Variants in CHCHD6 observed in about 807,000 individuals in gnomAD.
The protein encoded by CHCHD6 is MICOS complex subunit MIC25.
CHCHD6 carries 28 observed loss-of-function variants against 32.3 expected under a neutral mutation model. The observed-to-expected ratio is 0.87, with a 90% CI of 0.64 to 1.19. CHCHD6 has a LOEUF of 1.19. CHCHD6 is among the 50% of genes most tolerant of loss of function. The pLI, the probability that CHCHD6 is intolerant of heterozygous loss-of-function variation, is 0.00. For missense variants in CHCHD6, 333 were observed against 307.0 expected (o/e 1.08, Z -0.63); for synonymous variants, 122 against 117.5 (o/e 1.04, Z -0.25).
At chr3:126,751,184 T>C (rs1477484801) in intron 4 of CHCHD6, among the ~76,000 whole-genome samples, 1 of 151,970 alleles carries the variant, frequency 6.6e-6, no homozygotes, top group Non-Finnish European at 1.5e-5. Context: ...TGCACTTCTT[T>C]GAAGGCAGTT....
intron 4 of CHCHD6, among the ~76,000 whole-genome samples, chr3:126,817,552 C>T (rs567215879): frequency 2.0e-5 from 3 of 152,308 alleles, no homozygotes; most frequent in South Asian, 2.1e-4. Context: ...GCAGAACCCC[C>T]GCTCCCCACC....
At chr3:126,817,611 T>G (rs1939960873) in intron 4 of CHCHD6, among the ~76,000 whole-genome samples, 1 of 152,206 alleles carries the variant, frequency 6.6e-6, no homozygotes, top group South Asian at 2.1e-4. Flanking sequence ...GGCTATCAGC[T>G]GCTTTCCACC....
intron 4 of CHCHD6, among the ~76,000 whole-genome samples, chr3:126,825,202 G>A (rs1007484081): frequency 2.6e-5 from 4 of 151,854 alleles, no homozygotes; most frequent in South Asian, 4.2e-4. Context: ...TGCTTCTAGT[G>A]TGGGGACTTT....
intron 5 of CHCHD6, among the ~76,000 whole-genome samples, chr3:126,887,366 T>G (rs1046369522): frequency 1.3e-5 from 2 of 152,194 alleles, no homozygotes; most frequent in Admixed American, 6.5e-5. Context: ...TAACTTTCAT[T>G]GTCATGATTT....
intron 4 of CHCHD6, among the ~76,000 whole-genome samples, chr3:126,821,184 T>G (rs1448727430): frequency 6.6e-6 from 1 of 152,246 alleles, no homozygotes; most frequent in South Asian, 2.1e-4. Context: ...CTGAATAATA[T>G]TCTGTTGTAT....
intron 4 of CHCHD6, among the ~76,000 whole-genome samples, chr3:126,748,609 A>AAG (rs1553728176): frequency 5.3e-4 from 80 of 151,688 alleles, no homozygotes; most frequent in Non-Finnish European, 5.9e-4. Flanking sequence ...AAAAAAAAAA[A>AAG]AAAGAAAGAA....
chr3:126,765,363 C>T (rs1381806485), intron 4 of CHCHD6, among the ~76,000 whole-genome samples: 1 of 152,182 alleles, frequency 6.6e-6, no homozygotes, highest in African/African-American at 2.4e-5. Flanking sequence ...ATTACTCACT[C>T]AGCACAGCGA....
chr3:126,789,186 A>G (rs1938390272), intron 4 of CHCHD6, among the ~76,000 whole-genome samples: 1 of 152,136 alleles, frequency 6.6e-6, no homozygotes, highest in African/African-American at 2.4e-5. Context: ...GGTCTGAGAG[A>G]CAGTTTGTTA....
chr3:126,957,369 C>T (rs190346404), intron 6 of CHCHD6, 47 bp from the exon 7 acceptor site: 4 of 1,593,278 alleles, frequency 2.5e-6, no homozygotes, highest in East Asian at 4.5e-5. Flanking sequence ...CTCTCCCCTG[C>T]CTGCTGGCAC....
At chr3:126,786,636 G>T (rs967234226) in intron 4 of CHCHD6, among the ~76,000 whole-genome samples, 5 of 152,160 alleles carry the variant, frequency 3.3e-5, no homozygotes, top group African/African-American at 4.8e-5. Context: ...CTTTTGAGAA[G>T]TGTCTGTTCA....
chr3:126,864,847 ATCT>A (rs1486395729), intron 5 of CHCHD6, among the ~76,000 whole-genome samples: 1 of 91,464 alleles, frequency 1.1e-5, no homozygotes, highest in Non-Finnish European at 2.0e-5. Context: ...CTCCACCATC[ATCT>A]CCTCTTCCTC....
At chr3:126,940,331 C>G (rs779617729) in intron 6 of CHCHD6, among the ~76,000 whole-genome samples, 1 of 152,190 alleles carries the variant, frequency 6.6e-6, no homozygotes, top group East Asian at 1.9e-4. Context: ...GCTATTTTCC[C>G]TCATCTATAT....
intron 4 of CHCHD6, among the ~76,000 whole-genome samples, chr3:126,781,924 T>A (rs1485860264): frequency 6.6e-6 from 1 of 152,110 alleles, no homozygotes. Flanking sequence ...AAAAGCCTCT[T>A]CTTGGAGGGT....
chr3:126,734,926 G>A (rs1935975473), intron 4 of CHCHD6, among the ~76,000 whole-genome samples: 1 of 152,200 alleles, frequency 6.6e-6, no homozygotes, highest in Non-Finnish European at 1.5e-5. Flanking sequence ...CCTGAAGTTT[G>A]TAAGGATGGG....
intron 4 of CHCHD6, among the ~76,000 whole-genome samples, chr3:126,790,979 A>C (rs1330292325): frequency 6.6e-6 from 1 of 152,088 alleles, no homozygotes; most frequent in East Asian, 1.9e-4. Context: ...CTTTGATGAT[A>C]GTGAGGTACA....
chr3:126,903,298 G>A (rs944050868), intron 5 of CHCHD6, among the ~76,000 whole-genome samples: 1 of 152,168 alleles, frequency 6.6e-6, no homozygotes, highest in African/African-American at 2.4e-5. Flanking sequence ...AACCACCCCC[G>A]CCTTCAGTCT....
At chr3:126,891,967 G>A (rs2077766820) in intron 5 of CHCHD6, among the ~76,000 whole-genome samples, 1 of 152,196 alleles carries the variant, frequency 6.6e-6, no homozygotes, top group African/African-American at 2.4e-5. Context: ...GCTTGTCACT[G>A]AGCTGGAGTG....
intron 4 of CHCHD6, among the ~76,000 whole-genome samples, chr3:126,736,119 A>G (rs1002216758): frequency 6.6e-6 from 1 of 152,192 alleles, no homozygotes; most frequent in Non-Finnish European, 1.5e-5. Flanking sequence ...GTAAAACTGT[A>G]TTTTCAAAAC....
chr3:126,774,887 T>C (rs1032966458), intron 4 of CHCHD6, among the ~76,000 whole-genome samples: 27 of 152,194 alleles, frequency 1.8e-4, no homozygotes, highest in African/African-American at 6.5e-4. Flanking sequence ...CTGGCTTTTC[T>C]GGGGGGCTTT....
Sources: allele counts gnomAD v4.1 joint callset (sites outside exome capture counted in the v4.1 genomes callset), GRCh38; gene constraint gnomAD v4.1.1; transcripts MANE v1.5; gene names NCBI Gene and HGNC (gene_info 2026-07-23, HGNC 2026-07-21).